Variants in TEX11 observed in about 807,000 individuals in gnomAD.
TEX11 encodes the protein testis-expressed protein 11.
A neutral mutation model predicts 84.4 loss-of-function variants in TEX11; 7 were observed. That is an observed-to-expected ratio of 0.08 (90% confidence interval 0.05 to 0.16). TEX11 has a LOEUF of 0.16. Among genes scored for constraint, TEX11 ranks in the 10% least tolerant of loss-of-function variants. TEX11 has a pLI of 1.00. For missense variants in TEX11, 551 were observed against 660.5 expected (o/e 0.83, Z 1.82); for synonymous variants, 264 against 222.8 (o/e 1.18, Z -1.64).
chrX:70,670,205 A>C (rs1181178964), intron 16 of TEX11, among the ~76,000 whole-genome samples, 172 bp downstream of exon 16: 1 of 111,859 alleles, frequency 8.9e-6, no homozygotes, highest in African/African-American at 3.2e-5. Flanking sequence ...GGGAAGTTTC[A>C]CTCTATGTTT....
intron 8 of TEX11, among the ~76,000 whole-genome samples, chrX:70,810,576 A>G (rs1463087479): frequency 9.0e-6 from 1 of 111,226 alleles, no homozygotes; most frequent in East Asian, 2.8e-4. Flanking sequence ...TCTCACTCAT[A>G]AGTGGGAGCT....
intron 16 of TEX11, among the ~76,000 whole-genome samples, chrX:70,655,416 A>C (rs752655897): frequency 1.8e-5 from 2 of 111,770 alleles, no homozygotes; most frequent in East Asian, 5.6e-4. Flanking sequence ...TTGCCTTTAC[A>C]TCATTATAAA....
In TEX11 at chrX:70,882,027, CAAAAAAA is replaced by C. The variant is rs61563153; in HGVS notation, c.38-1925_38-1919del. On this transcript the variant is annotated intron_variant, in intron 2 of 29. Coordinates refer to ENST00000374333, the MANE Select transcript of TEX11 (RefSeq NM_031276.3). ...TGGGCAACAGAACAAGACTCCATCT[CAAAAAAA>C]AAAAAAAAAAGAAAAAGAAAAAAGA... 5.5e-4 allele frequency among the ~76,000 whole-genome samples: 23 copies of C among 41,679 alleles called. No individual in the cohort carries two copies. In the East Asian group the frequency reaches 7.7e-3, roughly 14 times the overall value. 36.2% of individuals were successfully genotyped at this position (41,679 alleles called of 115,157 possible).
intron 25 of TEX11, among the ~76,000 whole-genome samples, chrX:70,556,260 C>T (rs1252477858): frequency 6.4e-5 from 7 of 110,149 alleles, no homozygotes; most frequent in Non-Finnish European, 1.1e-4. Context: ...TAATGCTATA[C>T]ACTTTTGTCT....
intron 13 of TEX11, among the ~76,000 whole-genome samples, chrX:70,706,443 A>T (rs748712443): frequency 2.7e-5 from 3 of 111,004 alleles, no homozygotes; most frequent in Non-Finnish European, 5.7e-5. Flanking sequence ...GTACCCTAGA[A>T]CTTAAAGTAT....
chrX:70,702,353 A>G (rs1044511786), intron 13 of TEX11, among the ~76,000 whole-genome samples: 8 of 111,825 alleles, frequency 7.2e-5, no homozygotes, highest in African/African-American at 2.0e-4. Flanking sequence ...GAAGGCTCAG[A>G]TTATTATTTT....
intron 25 of TEX11, among the ~76,000 whole-genome samples, chrX:70,565,622 G>A (rs762837513): frequency 0.015 from 1,615 of 110,527 alleles, 23 homozygotes; most frequent in African/African-American, 0.05. Flanking sequence ...TTCTACATAT[G>A]GCTAGCCAGT....
intron 14 of TEX11, among the ~76,000 whole-genome samples, chrX:70,681,945 G>A (rs992829487): frequency 1.8e-5 from 2 of 111,655 alleles, no homozygotes; most frequent in African/African-American, 6.5e-5. Flanking sequence ...AAACAATATG[G>A]TAGAGTATTT....
chrX:70,893,511 T>A (rs1349841797), intron 2 of TEX11, among the ~76,000 whole-genome samples: 2 of 111,753 alleles, frequency 1.8e-5, no homozygotes. Context: ...AATGAAGTTG[T>A]TTGAAACCAA....
In TEX11 at chrX:70,818,383, G is replaced by A. The variant is rs765266102; in HGVS notation, c.607-11593C>T. ...GAGGATAACCACATAGAAAACAGTA[G>A]GAAGAACAGAACAGTTTTATTTTGC... On this transcript the variant is annotated intron_variant, in intron 8 of 29. Coordinates refer to ENST00000374333, the MANE Select transcript of TEX11 (RefSeq NM_031276.3). Among the ~76,000 whole-genome samples the A allele has an allele frequency of 1.5e-4, 17 of 111,421 alleles. No homozygotes were observed. The South Asian group carries it at 6.2e-3, about 40-fold the overall frequency.
chrX:70,731,964 T>A (rs1217153270), intron 11 of TEX11, among the ~76,000 whole-genome samples: 1 of 112,046 alleles, frequency 8.9e-6, no homozygotes, highest in Non-Finnish European at 1.9e-5. Context: ...CATGATCAAG[T>A]GGACTTCATC....
the TEX11 span, among the ~76,000 whole-genome samples, chrX:70,522,821 G>A: frequency 9.0e-6 from 1 of 110,608 alleles, no homozygotes; most frequent in Non-Finnish European, 1.9e-5. Context: ...GGGATTACAG[G>A]CATGAGCCAC....
At chrX:70,625,494 G>C (rs1480561687) in intron 18 of TEX11, among the ~76,000 whole-genome samples, 1 of 111,399 alleles carries the variant, frequency 9.0e-6, no homozygotes. Context: ...TTAAGTGGTA[G>C]CTGTTTTTGC....
At chrX:70,770,692 A>T (rs1410109158) in intron 9 of TEX11, among the ~76,000 whole-genome samples, 4 of 111,915 alleles carry the variant, frequency 3.6e-5, no homozygotes, top group African/African-American at 9.7e-5. Context: ...CCCTGAAAAG[A>T]TGTATACCTG....
intron 20 of TEX11, among the ~76,000 whole-genome samples, chrX:70,619,179 C>T (rs759422490): frequency 1.8e-5 from 2 of 111,703 alleles, no homozygotes; most frequent in East Asian, 5.6e-4. Flanking sequence ...AAGACCATGG[C>T]TGCAACTACA....
At chrX:70,645,532 A>C (rs893772866) in intron 17 of TEX11, among the ~76,000 whole-genome samples, 1 of 92,739 alleles carries the variant, frequency 1.1e-5, no homozygotes, top group African/African-American at 3.4e-5. Flanking sequence ...ATATATAGAA[A>C]ACCTTACAGA....
chrX:70,809,340 C>T (rs980260358), intron 8 of TEX11, among the ~76,000 whole-genome samples: 1 of 111,753 alleles, frequency 8.9e-6, no homozygotes, highest in Admixed American at 9.5e-5. Context: ...AATCATGGTA[C>T]TTTATATGAT....
intron 2 of TEX11, among the ~76,000 whole-genome samples, chrX:70,904,067 G>A (rs959955123): frequency 2.3e-5 from 2 of 86,933 alleles, no homozygotes; most frequent in Non-Finnish European, 4.2e-5. Context: ...TATTCCTCCC[G>A]CCTCAGCCTC....
At chrX:70,565,079 T>A (rs756435368) in intron 25 of TEX11, among the ~76,000 whole-genome samples, 12,289 of 105,371 alleles carry the variant, frequency 0.12, 676 homozygotes, top group Middle Eastern at 0.18. Context: ...GTTTCCTGAC[T>A]TTTTAATGAT....
Sources: allele counts gnomAD v4.1 joint callset (sites outside exome capture counted in the v4.1 genomes callset), GRCh38; gene constraint gnomAD v4.1.1; transcripts MANE v1.5; gene names NCBI Gene and HGNC (gene_info 2026-07-23, HGNC 2026-07-21).